The following GALNT17 variants were observed in gnomAD, a reference collection of about 807,000 sequenced individuals.
GALNT17 encodes polypeptide N-acetylgalactosaminyltransferase 17.
GALNT17 carries 29 observed loss-of-function variants against 63.7 expected under a neutral mutation model. The observed-to-expected ratio is 0.46, with a 90% CI of 0.34 to 0.62. The LOEUF (loss-of-function observed/expected upper bound fraction) is 0.62. GALNT17 is among the 20% of genes least tolerant of loss of function. The pLI is 0.01. For missense variants in GALNT17, 603 were observed against 799.6 expected (o/e 0.75, Z 2.97); for synonymous variants, 305 against 318.3 (o/e 0.96, Z 0.45).
At chr7:71,570,750 T>C (rs1395807253) in intron 5 of GALNT17, among the ~76,000 whole-genome samples, 1 of 152,006 alleles carries the variant, frequency 6.6e-6, no homozygotes, top group Non-Finnish European at 1.5e-5. Flanking sequence ...GACGCTGAGG[T>C]GGGCAGATCA....
chr7:71,155,867 A>G lies in GALNT17; in HGVS notation c.238+22827A>G, dbSNP rs1788225990. ...GCCTTATAACAGAGGACACAATTCA[A>G]TATTCCTCACTTTTCCTGGAGTGAG... On this transcript the variant is annotated intron_variant, in intron 1 of 10. Coordinates refer to ENST00000333538, the MANE Select transcript of GALNT17 (RefSeq NM_022479.3). 2.0e-5 allele frequency among the ~76,000 whole-genome samples: 3 copies of G among 151,898 alleles called. No homozygotes were observed. The South Asian group carries it at 6.2e-4, about 31-fold the overall frequency.
intron 6 of GALNT17, among the ~76,000 whole-genome samples, chr7:71,652,939 A>T (rs1003096235): frequency 6.6e-6 from 1 of 152,164 alleles, no homozygotes; most frequent in East Asian, 1.9e-4. Flanking sequence ...CAGCAAGGAG[A>T]ATCGGGCAGC....
intron 1 of GALNT17, among the ~76,000 whole-genome samples, chr7:71,333,469 AT>A (rs1791842258): frequency 6.6e-6 from 1 of 152,272 alleles, no homozygotes; most frequent in Admixed American, 6.5e-5. Flanking sequence ...TTGGGGACGA[AT>A]GTTTCCATTT....
intron 2 of GALNT17, among the ~76,000 whole-genome samples, chr7:71,386,301 T>C (rs4719120): frequency 0.59 from 89,557 of 152,120 alleles, 26,915 homozygotes; most frequent in African/African-American, 0.63. Flanking sequence ...AAGAAACAGC[T>C]GTATTTCTTG....
intron 1 of GALNT17, among the ~76,000 whole-genome samples, chr7:71,331,687 C>T (rs1437637289): frequency 6.7e-6 from 1 of 150,294 alleles, no homozygotes; most frequent in African/African-American, 2.5e-5. Context: ...TGCACTCCAG[C>T]CTGGGTGACA....
At chr7:71,590,622 G>T (rs1789783431) in intron 6 of GALNT17, among the ~76,000 whole-genome samples, 1 of 152,152 alleles carries the variant, frequency 6.6e-6, no homozygotes, top group African/African-American at 2.4e-5. Context: ...TATTTCCACA[G>T]AAAAAGGGAG....
intron 5 of GALNT17, among the ~76,000 whole-genome samples, chr7:71,464,407 G>T (rs528618279): frequency 6.6e-6 from 1 of 152,258 alleles, no homozygotes; most frequent in South Asian, 2.1e-4. Flanking sequence ...ATTGGTCAAG[G>T]AGAGCATCTT....
In GALNT17 at chr7:71,368,927, G is replaced by A. The variant is rs530803042; in HGVS notation, c.423-19308G>A. The stretch of plus-strand genomic sequence containing the variant: ...TGCCCAGTTTCCTCGGGGGTGGGGG[G>A]GGGTGTTCCTCTCTCCTAGCTTTTA... On this transcript the variant is annotated intron_variant, in intron 2 of 10. Coordinates refer to ENST00000333538, the MANE Select transcript of GALNT17 (RefSeq NM_022479.3). 3.4e-5 allele frequency among the ~76,000 whole-genome samples: 5 copies of A among 147,954 alleles called. No homozygotes were observed. In the South Asian group the frequency reaches 6.6e-4, roughly 19 times the overall value.
chr7:71,147,490 C>T (rs552833230), intron 1 of GALNT17, among the ~76,000 whole-genome samples: 123 of 152,242 alleles, frequency 8.1e-4, no homozygotes, highest in African/African-American at 2.9e-3. Context: ...CCCACTGACT[C>T]GAATGTTAAT....
chr7:71,539,359 T>TA (rs968498349), intron 5 of GALNT17, among the ~76,000 whole-genome samples: 2 of 152,236 alleles, frequency 1.3e-5, no homozygotes, highest in African/African-American at 2.4e-5. Flanking sequence ...TGTTTATTGT[T>TA]AAAAAAATAA....
intron 1 of GALNT17, among the ~76,000 whole-genome samples, chr7:71,187,125 T>C (rs1332566580): frequency 6.6e-6 from 1 of 152,132 alleles, no homozygotes; most frequent in African/African-American, 2.4e-5. Flanking sequence ...AATTTTTTGT[T>C]GTTTTGTTTT....
intron 1 of GALNT17, among the ~76,000 whole-genome samples, chr7:71,180,982 C>T (rs1018881137): frequency 6.6e-6 from 1 of 152,140 alleles, no homozygotes; most frequent in Non-Finnish European, 1.5e-5. Context: ...AGGCCAGGTG[C>T]GGTGGCTCAC....
At chr7:71,469,241 A>G (rs1208713239) in intron 5 of GALNT17, among the ~76,000 whole-genome samples, 1 of 152,158 alleles carries the variant, frequency 6.6e-6, no homozygotes, top group African/African-American at 2.4e-5. Context: ...TGTAAAAGAA[A>G]GTTCTGGAGT....
chr7:71,373,618 G>A (rs1184863306), intron 2 of GALNT17, among the ~76,000 whole-genome samples: 1 of 146,638 alleles, frequency 6.8e-6, no homozygotes, highest in South Asian at 2.1e-4. Flanking sequence ...GCTCCTGTCA[G>A]ATCAGCGGCA....
At chr7:71,590,494 T>C (rs1015471820) in intron 6 of GALNT17, among the ~76,000 whole-genome samples, 2 of 152,204 alleles carry the variant, frequency 1.3e-5, no homozygotes, top group Non-Finnish European at 2.9e-5. Context: ...AATGTGAACC[T>C]GAATTTACAC....
At chr7:71,360,770 TA>T (rs1194120791) in intron 2 of GALNT17, among the ~76,000 whole-genome samples, 1 of 151,768 alleles carries the variant, frequency 6.6e-6, no homozygotes, top group Non-Finnish European at 1.5e-5. Flanking sequence ...CCGTCTCTAC[TA>T]AAAAAAACCC....
At chr7:71,547,022 C>T (rs1003483233) in intron 5 of GALNT17, among the ~76,000 whole-genome samples, 10 of 151,962 alleles carry the variant, frequency 6.6e-5, no homozygotes, top group Non-Finnish European at 1.5e-4. Flanking sequence ...GACAGAGTCT[C>T]ACTCTGTCGC....
intron 1 of GALNT17, among the ~76,000 whole-genome samples, chr7:71,215,353 C>T (rs539538906): frequency 2.6e-5 from 4 of 152,144 alleles, no homozygotes; most frequent in African/African-American, 9.6e-5. Context: ...GTTTTGTCAT[C>T]TTAAGTTTTT....
intron 6 of GALNT17, among the ~76,000 whole-genome samples, chr7:71,643,061 T>C (rs1790625782): frequency 6.6e-6 from 1 of 152,106 alleles, no homozygotes; most frequent in Non-Finnish European, 1.5e-5. Flanking sequence ...ACTTCGTCGA[T>C]AGGATGGATG....
Sources: allele counts gnomAD v4.1 joint callset (sites outside exome capture counted in the v4.1 genomes callset), GRCh38; gene constraint gnomAD v4.1.1; transcripts MANE v1.5; gene names NCBI Gene and HGNC (gene_info 2026-07-23, HGNC 2026-07-21).